Variants in TMEM132B observed in about 807,000 individuals in gnomAD.
TMEM132B encodes the protein transmembrane protein 132B.
A neutral mutation model predicts 90.8 loss-of-function variants in TMEM132B; 18 were observed. The ratio of observed to expected loss-of-function variants is 0.20; its 90% CI spans 0.14 to 0.29. The LOEUF is 0.29. Ranked by LOEUF, TMEM132B falls within the 10% of genes least tolerant of loss-of-function variation. The pLI is 1.00. For synonymous variants in TMEM132B, 504 were observed against 523.3 expected (o/e 0.96, Z 0.50); for missense variants, 1,096 against 1,326.8 (o/e 0.83, Z 2.70).
chr12:125,536,774 C>T (rs1223229299), intron 4 of TMEM132B, among the ~76,000 whole-genome samples: 2 of 152,128 alleles, frequency 1.3e-5, no homozygotes, highest in Admixed American at 1.3e-4. Flanking sequence ...CATGTGAATT[C>T]CTAGAACCTG....
intron 3 of TMEM132B, among the ~76,000 whole-genome samples, chr12:125,456,713 T>C (rs960308790): frequency 6.6e-5 from 10 of 152,124 alleles, no homozygotes; most frequent in Non-Finnish European, 1.3e-4. Flanking sequence ...CCCACTGCAG[T>C]CTCTCTGTGC....
At chr12:125,366,721 A>G (rs1878144725) in intron 2 of TMEM132B, among the ~76,000 whole-genome samples, 1 of 152,172 alleles carries the variant, frequency 6.6e-6, no homozygotes. Flanking sequence ...CAAATTTGGG[A>G]GAGTTTCAGT....
At chr12:125,244,675 C>T (rs1874168717) in intron 1 of TMEM132B, among the ~76,000 whole-genome samples, 1 of 152,222 alleles carries the variant, frequency 6.6e-6, no homozygotes. Flanking sequence ...CCTTCCTCCC[C>T]TCCCCAGAGA....
chr12:125,536,848 C>G (rs797008402), intron 4 of TMEM132B, among the ~76,000 whole-genome samples: 20 of 130,442 alleles, frequency 1.5e-4, no homozygotes, highest in African/African-American at 6.4e-4. Flanking sequence ...GGATGTGAAT[C>G]TGGGGAGATT....
intron 5 of TMEM132B, among the ~76,000 whole-genome samples, chr12:125,612,213 C>T (rs183662871): frequency 6.8e-4 from 104 of 152,166 alleles, no homozygotes; most frequent in African/African-American, 2.3e-3. Flanking sequence ...CGGTGGCTCA[C>T]GCCTATAATC....
At chr12:125,278,571 C>A (rs1327153499) in intron 1 of TMEM132B, among the ~76,000 whole-genome samples, 2 of 148,530 alleles carry the variant, frequency 1.3e-5, no homozygotes, top group Admixed American at 6.8e-5. Context: ...TTTATATAAA[C>A]TAGTGAGGGC....
chr12:125,348,663 C>T (rs1458089059), intron 1 of TMEM132B, among the ~76,000 whole-genome samples: 1 of 152,174 alleles, frequency 6.6e-6, no homozygotes, highest in East Asian at 1.9e-4. Flanking sequence ...CTCGTTAATC[C>T]TTGCGGCAAC....
In TMEM132B at chr12:125,307,596, A is replaced by G. The variant is rs571619114; in HGVS notation, c.68-41856A>G. Among the ~76,000 whole-genome samples the G allele has an allele frequency of 5.3e-5, 8 of 152,060 alleles. No homozygotes were observed. The South Asian group carries it at 1.7e-3, about 32-fold the overall frequency. ...ATTATTACTGTTTATCTGTGTGAAAATGAAAACATTACAAATAGGGCTAAA... is the reference window on the plus strand; with the variant it reads ...ATTATTACTGTTTATCTGTGTGAAAGTGAAAACATTACAAATAGGGCTAAA... On this transcript the variant is annotated intron_variant, in intron 1 of 8. Coordinates refer to ENST00000682704, the MANE Select transcript of TMEM132B (RefSeq NM_001366854.1).
At chr12:125,216,084 T>C (rs1483229432) in intron 1 of TMEM132B, among the ~76,000 whole-genome samples, 1 of 152,226 alleles carries the variant, frequency 6.6e-6, no homozygotes, top group African/African-American at 2.4e-5. Flanking sequence ...CTTGATTCCA[T>C]CTGCCTCCTG....
At chr12:125,425,244 A>G (rs1880283504) in intron 3 of TMEM132B, among the ~76,000 whole-genome samples, 1 of 152,240 alleles carries the variant, frequency 6.6e-6, no homozygotes, top group South Asian at 2.1e-4. Context: ...ACAGCATAAC[A>G]TAATCTATCC....
chr12:125,282,690 G>A (rs1875231466), intron 1 of TMEM132B, among the ~76,000 whole-genome samples: 2 of 152,164 alleles, frequency 1.3e-5, no homozygotes, highest in Admixed American at 1.3e-4. Context: ...AGGGCTCCCG[G>A]TGCTGCTGCT....
In TMEM132B at chr12:125,551,093, G is replaced by A. The variant is rs563497838; in HGVS notation, c.1293+31468G>A. Among the ~76,000 whole-genome samples the A allele has an allele frequency of 5.2e-5, 8 of 152,386 alleles. No homozygotes were observed. The East Asian group carries it at 9.6e-4, about 18-fold the overall frequency. ...CTCCCGAAGTGTTGGGACTACAGGC[G>A]TGAGCCACTGTGTCTGGCCCTGGAG... On this transcript the variant is annotated intron_variant, in intron 4 of 8. Coordinates refer to ENST00000682704, the MANE Select transcript of TMEM132B (RefSeq NM_001366854.1).
At chr12:125,244,978 T>G (rs1002031069) in intron 1 of TMEM132B, among the ~76,000 whole-genome samples, 2 of 152,134 alleles carry the variant, frequency 1.3e-5, no homozygotes, top group Non-Finnish European at 2.9e-5. Context: ...TTGGGGCGGA[T>G]GGAGCTGGGC....
chr12:125,274,363 A>G (rs1874931487), intron 1 of TMEM132B, among the ~76,000 whole-genome samples: 1 of 152,212 alleles, frequency 6.6e-6, no homozygotes, highest in Non-Finnish European at 1.5e-5. Flanking sequence ...TGTGTATCCC[A>G]ACACAGACAG....
intron 5 of TMEM132B, among the ~76,000 whole-genome samples, chr12:125,613,273 A>G (rs1885906974): frequency 7.0e-6 from 1 of 142,248 alleles, no homozygotes; most frequent in South Asian, 2.1e-4. Context: ...TACATGAGAT[A>G]CTTTCATATG....
intron 3 of TMEM132B, among the ~76,000 whole-genome samples, chr12:125,426,701 T>C (rs142763670): frequency 2.6e-5 from 4 of 152,332 alleles, no homozygotes; most frequent in Non-Finnish European, 5.9e-5. Context: ...GCTAGTCTAG[T>C]CTTCTTAAAA....
chr12:125,345,499 C>T (rs949844618), intron 1 of TMEM132B, among the ~76,000 whole-genome samples: 33 of 152,184 alleles, frequency 2.2e-4, no homozygotes, highest in Non-Finnish European at 4.6e-4. Context: ...GTCACAGGTT[C>T]CCTGCCTGGA....
chr12:125,551,863 T>G (rs575591691), intron 4 of TMEM132B, among the ~76,000 whole-genome samples: 1 of 152,280 alleles, frequency 6.6e-6, no homozygotes, highest in African/African-American at 2.4e-5. Context: ...CCTGGCACAT[T>G]GTTTTCATGG....
At chr12:125,449,086 C>G (rs1881082712) in intron 3 of TMEM132B, among the ~76,000 whole-genome samples, 1 of 151,566 alleles carries the variant, frequency 6.6e-6, no homozygotes, top group African/African-American at 2.4e-5. Flanking sequence ...TCTGCCTCAG[C>G]CTCCTGAGTA....
Sources: allele counts gnomAD v4.1 joint callset (sites outside exome capture counted in the v4.1 genomes callset), GRCh38; gene constraint gnomAD v4.1.1; transcripts MANE v1.5; gene names NCBI Gene and HGNC (gene_info 2026-07-23, HGNC 2026-07-21).